FHIT: variants seen among roughly 807,000 people sequenced by gnomAD.
FHIT encodes the protein fragile histidine triad diadenosine triphosphatase, also known as bis(5'-adenosyl)-triphosphatase.
A neutral mutation model predicts 17.9 loss-of-function variants in FHIT; 19 were observed. The ratio of observed to expected loss-of-function variants is 1.06; its 90% CI spans 0.74 to 1.56. The LOEUF (loss-of-function observed/expected upper bound fraction) is 1.56. FHIT is among the 40% of genes most tolerant of loss of function. FHIT has a pLI of 0.00. For missense variants in FHIT, 248 were observed against 189.2 expected, an observed-to-expected ratio of 1.31 and a Z score of -1.82; for synonymous variants, 81 against 69.7, an observed-to-expected ratio of 1.16 and a Z score of -0.81.
intron 5 of FHIT, among the ~76,000 whole-genome samples, chr3:60,270,179 C>T (rs989104273): frequency 5.3e-5 from 8 of 152,070 alleles, no homozygotes; most frequent in Non-Finnish European, 1.2e-4. Context: ...GCCACGCAGG[C>T]GCATGGAGCC....
At chr3:59,978,027 T>A (rs562666797) in intron 7 of FHIT, among the ~76,000 whole-genome samples, 1 of 152,204 alleles carries the variant, frequency 6.6e-6, no homozygotes, top group Non-Finnish European at 1.5e-5. Flanking sequence ...GCATTTACTA[T>A]GTGCCAAACA....
intron 8 of FHIT, among the ~76,000 whole-genome samples, chr3:59,897,136 T>C (rs1385671575): frequency 6.6e-6 from 1 of 152,198 alleles, no homozygotes; most frequent in Non-Finnish European, 1.5e-5. Flanking sequence ...GGTATCTGTG[T>C]CCTTATTTAC....
chr3:59,853,986 C>T (rs2106806054), intron 8 of FHIT, among the ~76,000 whole-genome samples: 1 of 151,952 alleles, frequency 6.6e-6, no homozygotes, highest in Non-Finnish European at 1.5e-5. Flanking sequence ...GCTAATTAGT[C>T]CACGTGTAAA....
At chr3:61,084,765 A>G (rs568083031) in intron 2 of FHIT, among the ~76,000 whole-genome samples, 12 of 152,274 alleles carry the variant, frequency 7.9e-5, no homozygotes, top group African/African-American at 2.6e-4. Flanking sequence ...TCACCTCTAC[A>G]TAGTTTTAGA....
chr3:60,507,810 C>T (rs546015334), intron 5 of FHIT, among the ~76,000 whole-genome samples: 26 of 152,226 alleles, frequency 1.7e-4, no homozygotes, highest in Non-Finnish European at 2.9e-4. Context: ...TTGCTAAAGA[C>T]AATGGCCTCC....
At chr3:60,637,451 A>ACT (rs1334354854) in intron 4 of FHIT, among the ~76,000 whole-genome samples, 43 of 152,272 alleles carry the variant, frequency 2.8e-4, no homozygotes, top group African/African-American at 1.0e-3. Flanking sequence ...TTAAAAAATA[A>ACT]CTACTATGAC....
At chr3:60,976,752 T>G (rs976981909) in intron 3 of FHIT, among the ~76,000 whole-genome samples, 1 of 152,228 alleles carries the variant, frequency 6.6e-6, no homozygotes, top group African/African-American at 2.4e-5. Flanking sequence ...GCTCTCCAAA[T>G]TATCTTAAAG....
intron 5 of FHIT, among the ~76,000 whole-genome samples, chr3:60,212,662 G>T (rs1369610489): frequency 6.6e-6 from 1 of 152,090 alleles, no homozygotes; most frequent in Non-Finnish European, 1.5e-5. Flanking sequence ...AAATCTATGG[G>T]GAGAGGAATA....
At chr3:60,406,999 T>A (rs1393344781) in intron 5 of FHIT, among the ~76,000 whole-genome samples, 1 of 150,984 alleles carries the variant, frequency 6.6e-6, no homozygotes, top group Non-Finnish European at 1.5e-5. Context: ...CTGCTTTCTG[T>A]CAATTCTCAA....
At chr3:60,201,518 T>A (rs975685026) in intron 5 of FHIT, among the ~76,000 whole-genome samples, 7 of 152,106 alleles carry the variant, frequency 4.6e-5, no homozygotes, top group South Asian at 2.1e-4. Context: ...AAGAAAAGAA[T>A]CATTTAACAA....
At chr3:60,824,482 C>T (rs958429904) in intron 3 of FHIT, among the ~76,000 whole-genome samples, 17 of 152,102 alleles carry the variant, frequency 1.1e-4, no homozygotes, top group Non-Finnish European at 1.2e-4. Flanking sequence ...ATATAAGGAA[C>T]TCCTAAAATC....
chr3:60,155,333 C>G (rs746244719), intron 5 of FHIT, among the ~76,000 whole-genome samples: 2 of 152,138 alleles, frequency 1.3e-5, no homozygotes, highest in Non-Finnish European at 1.5e-5. Flanking sequence ...CCAGCAGGTT[C>G]AAGCCAGCAA....
At chr3:60,212,214 A>G (rs1463406626) in intron 5 of FHIT, among the ~76,000 whole-genome samples, 11 of 152,098 alleles carry the variant, frequency 7.2e-5, no homozygotes. Context: ...GTGAAAACCA[A>G]TTTAAGGTAT....
chr3:61,215,308 C>T (rs2106792085), intron 1 of FHIT, among the ~76,000 whole-genome samples: 1 of 151,958 alleles, frequency 6.6e-6, no homozygotes, highest in South Asian at 2.1e-4. Flanking sequence ...GCAGCTTCAG[C>T]AAAGTCTCAG....
chr3:60,341,933 C>T (rs896347711), intron 5 of FHIT, among the ~76,000 whole-genome samples: 6 of 151,756 alleles, frequency 4.0e-5, no homozygotes, highest in South Asian at 4.2e-4. Flanking sequence ...ACATGACCAG[C>T]GAGGATTAGA....
intron 4 of FHIT, among the ~76,000 whole-genome samples, chr3:60,539,494 A>G (rs904689798): frequency 1.3e-5 from 2 of 152,152 alleles, no homozygotes; most frequent in South Asian, 2.1e-4. Context: ...ACATGCACAC[A>G]TATGTTTATT....
At chr3:61,100,605 T>C (rs1056154289) in intron 2 of FHIT, among the ~76,000 whole-genome samples, 1 of 152,236 alleles carries the variant, frequency 6.6e-6, no homozygotes. Flanking sequence ...CAAATGGTAA[T>C]TCTAGTTCTA....
At position 59,807,792 on chromosome 3, in the gene FHIT, CA is replaced by C. The variant is rs200793385; in HGVS notation, c.349-55472del. ...GGGTGGGGGTGCGTGATGGTTTCCG[CA>C]AACACAGGAGAAAGAAACATTAACA... On this transcript the variant is annotated intron_variant, in intron 8 of 9. Coordinates refer to ENST00000492590, the MANE Select transcript of FHIT (RefSeq NM_002012.4). Among the ~76,000 whole-genome samples the C allele has an allele frequency of 6.3e-3, 955 of 152,138 alleles. 17 individuals are homozygous for C. Among genetic ancestry groups the C allele is most frequent in the African/African-American group, 0.022 (921 of 41,490 alleles).
At chr3:59,904,438 A>G (rs1032624079) in intron 8 of FHIT, among the ~76,000 whole-genome samples, 1 of 152,134 alleles carries the variant, frequency 6.6e-6, no homozygotes, top group African/African-American at 2.4e-5. Context: ...AACAGATTGG[A>G]GAAAGTATTT....
Sources: gnomAD v4.1 joint callset for allele counts (sites outside exome capture counted in the v4.1 genomes callset) on GRCh38, gnomAD v4.1.1 for gene constraint, MANE v1.5 for transcripts, NCBI Gene and HGNC (gene_info 2026-07-23, HGNC 2026-07-21) for gene names.